The following AHI1 variants were observed in gnomAD, a reference collection of about 807,000 sequenced individuals.
The protein encoded by AHI1 is Abelson helper integration site 1.
In AHI1, 123 loss-of-function variants were observed where a neutral mutation model predicts 149.3. The observed-to-expected ratio is 0.82, with a 90% CI of 0.71 to 0.96. The LOEUF (loss-of-function observed/expected upper bound fraction) is 0.96. Ranked by LOEUF, AHI1 falls within the 40% of genes least tolerant of loss-of-function variation. The pLI is 0.00. For synonymous variants in AHI1, 475 were observed against 459.8 expected, an observed-to-expected ratio of 1.03 and a Z score of -0.42; for missense variants, 1,439 against 1,422.7, an observed-to-expected ratio of 1.01 and a Z score of -0.18.
At chr6:135,467,276 T>G (rs1485700005) in intron 6 of AHI1, among the ~76,000 whole-genome samples, 4 of 152,000 alleles carry the variant, frequency 2.6e-5, no homozygotes, top group Non-Finnish European at 5.9e-5. Context: ...TAAAGGAAGG[T>G]AGCACAATGA....
At chr6:135,391,548 T>C (rs1230758851) in intron 23 of AHI1, among the ~76,000 whole-genome samples, 1 of 151,700 alleles carries the variant, frequency 6.6e-6, no homozygotes, top group South Asian at 2.1e-4. Context: ...GGGTCGGGGG[T>C]CAGGACCCCT....
rs1583181204 is a variant in AHI1 at position 135,427,411 on chromosome 6, T to C, written c.2624-104A>G. ...ATTTATTAGAAAATATTTATAGCAATGATGCTCACATTATTTATGTGAAAA... is the reference window on the plus strand; with the variant it reads ...ATTTATTAGAAAATATTTATAGCAACGATGCTCACATTATTTATGTGAAAA... On this transcript the variant is annotated intron_variant, in intron 19 of 28. Coordinates refer to ENST00000265602, the MANE Select transcript of AHI1 (RefSeq NM_001134831.2). 4.2e-5 allele frequency: 41 copies of C among 967,842 alleles called. No individual in the cohort carries two copies. In the East Asian group the frequency reaches 1.1e-3, roughly 26 times the overall value. 60.0% of individuals were successfully genotyped at this position (967,842 alleles called of 1,614,324 possible).
chr6:135,318,401 G>T, intron 26 of AHI1, 118 bp downstream of exon 26: 1 of 728,462 alleles, frequency 1.4e-6, no homozygotes, highest in Non-Finnish European at 2.3e-6. Flanking sequence ...TTTGTACCAA[G>T]ACATAAAAAA....
chr6:135,289,634 C>T (rs1782096455), intron 28 of AHI1, among the ~76,000 whole-genome samples: 1 of 151,952 alleles, frequency 6.6e-6, no homozygotes. Context: ...ATTTAAGAAT[C>T]TGTTTTATAA....
intron 21 of AHI1, among the ~76,000 whole-genome samples, chr6:135,408,967 T>A (rs1475528810): frequency 6.6e-6 from 1 of 152,164 alleles, no homozygotes; most frequent in Admixed American, 6.5e-5. Context: ...ATCATTTTCA[T>A]GATCTATTTT....
intron 27 of AHI1, among the ~76,000 whole-genome samples, chr6:135,293,207 C>T (rs185457131): frequency 6.6e-6 from 1 of 151,726 alleles, no homozygotes; most frequent in East Asian, 1.9e-4. Context: ...CTGACAAAAA[C>T]TCTTAGGAAA....
At chr6:135,376,921 A>AAAAAAAAAAAAAAAAAG (rs1776025303) in intron 23 of AHI1, among the ~76,000 whole-genome samples, 1 of 128,798 alleles carries the variant, frequency 7.8e-6, no homozygotes, top group African/African-American at 2.8e-5. Context: ...AAAAAAAAAA[A>AAAAAAAAAAAAAAAAAG]GTTGGTCCAG....
At chr6:135,427,121 T>C (rs768766480) in intron 20 of AHI1, 46 bp downstream of exon 20, 1 of 1,566,240 alleles carries the variant, frequency 6.4e-7, no homozygotes, top group Non-Finnish European at 8.7e-7. Flanking sequence ...AGTCTAAATG[T>C]AAAGGTTACT....
chr6:135,421,614 T>C (rs928399274), intron 20 of AHI1, among the ~76,000 whole-genome samples: 1 of 152,134 alleles, frequency 6.6e-6, no homozygotes, highest in Non-Finnish European at 1.5e-5. Flanking sequence ...TTGTCTATTT[T>C]ACATCATATC....
chr6:135,361,871 G>A (rs1003184808), intron 23 of AHI1, among the ~76,000 whole-genome samples: 1 of 151,726 alleles, frequency 6.6e-6, no homozygotes, highest in African/African-American at 2.4e-5. Flanking sequence ...AGGTCTTTGA[G>A]GAACAAGTGG....
In AHI1 at chr6:135,357,216, C is replaced by T. The variant is rs557279685; in HGVS notation, c.3165+916G>A. On this transcript the variant is annotated intron_variant, in intron 24 of 28. Coordinates refer to ENST00000265602, the MANE Select transcript of AHI1 (RefSeq NM_001134831.2). Reference sequence around the variant, plus strand: ...CCTCCCAAAGTGCTGGGATTACAGGCGTGAGCCACTGTGTCCGGCCATCTT... The same window carrying T: ...CCTCCCAAAGTGCTGGGATTACAGGTGTGAGCCACTGTGTCCGGCCATCTT... 1.2e-4 allele frequency among the ~76,000 whole-genome samples: 19 copies of T among 152,308 alleles called. No homozygotes were observed. The East Asian group carries it at 1.3e-3, about 11-fold the overall frequency.
chr6:135,363,801 G>A (rs1295880869), intron 23 of AHI1, among the ~76,000 whole-genome samples: 1 of 145,984 alleles, frequency 6.9e-6, no homozygotes, highest in Non-Finnish European at 1.5e-5. Flanking sequence ...ACGGGGTGGT[G>A]GCCGGGCAGA....
chr6:135,412,015 A>G (rs1439893608), intron 20 of AHI1, among the ~76,000 whole-genome samples: 5 of 152,116 alleles, frequency 3.3e-5, no homozygotes, highest in Non-Finnish European at 7.4e-5. Context: ...CATTTCTACA[A>G]TGACGTAATT....
At chr6:135,372,402 T>G (rs1775198708) in intron 23 of AHI1, among the ~76,000 whole-genome samples, 1 of 151,802 alleles carries the variant, frequency 6.6e-6, no homozygotes, top group South Asian at 2.1e-4. Context: ...CCAGGTGCAG[T>G]GGCTCATGTC....
At chr6:135,350,924 T>C (rs1300395793) in intron 24 of AHI1, among the ~76,000 whole-genome samples, 3 of 151,888 alleles carry the variant, frequency 2.0e-5, no homozygotes, top group African/African-American at 7.3e-5. Context: ...TTACTGAGGG[T>C]GTAAAGCAGG....
intron 11 of AHI1, among the ~76,000 whole-genome samples, chr6:135,451,447 T>C (rs1398394772): frequency 1.3e-5 from 2 of 152,128 alleles, no homozygotes; most frequent in Admixed American, 1.3e-4. Flanking sequence ...GAGAGTGACA[T>C]ATTAAATGCA....
chr6:135,422,359 C>T (rs1479348377), intron 20 of AHI1, among the ~76,000 whole-genome samples: 1 of 151,904 alleles, frequency 6.6e-6, no homozygotes, highest in African/African-American at 2.4e-5. Context: ...AAAAAATACA[C>T]ACACGAAATT....
intron 15 of AHI1, chr6:135,435,359 T>C (rs887559251): frequency 2.6e-5 from 4 of 152,152 alleles, no homozygotes; most frequent in African/African-American, 9.6e-5. Flanking sequence ...CAAGAAATAA[T>C]AGAATTTGGG....
At chr6:135,438,260 G>T in intron 15 of AHI1, 115 bp downstream of exon 15, 2 of 1,010,056 alleles carry the variant, frequency 2.0e-6, no homozygotes, top group Non-Finnish European at 2.7e-6. Flanking sequence ...ATTTATGACA[G>T]TCCCTTCTTG....
Sources: gnomAD v4.1 joint callset for allele counts (sites outside exome capture counted in the v4.1 genomes callset) on GRCh38, gnomAD v4.1.1 for gene constraint, MANE v1.5 for transcripts, NCBI Gene and HGNC (gene_info 2026-07-23, HGNC 2026-07-21) for gene names.